Variants in CPSF7 observed in about 807,000 individuals in gnomAD.
CPSF7 encodes cleavage and polyadenylation specificity factor subunit 7.
Under a neutral mutation model 44.3 loss-of-function variants are expected in CPSF7, and 1 was observed. The ratio of observed to expected loss-of-function variants is 0.02; its 90% CI spans 0.01 to 0.11. The LOEUF (loss-of-function observed/expected upper bound fraction) is 0.11, where lower values mean the gene tolerates loss of function less well. Ranked by LOEUF, CPSF7 falls within the 10% of genes least tolerant of loss-of-function variation. The pLI is 1.00. For missense variants in CPSF7, 443 were observed against 607.2 expected (o/e 0.73, Z 2.84); for synonymous variants, 202 against 222.0 (o/e 0.91, Z 0.80).
In CPSF7 at chr11:61,429,909, G is replaced by A; in HGVS notation, c.-56+5C>T. On this transcript the variant is annotated splice_donor_5th_base_variant and intron_variant, in intron 1 of 9. Coordinates refer to ENST00000439958, the MANE Select transcript of CPSF7 (RefSeq NM_001142565.3). ...AACCTGCCCCCGACCGCGCGCCCCC[G>A]TTACCGGGAATATGGCGGCGGCGGC... 6.7e-7 allele frequency: 1 copy of A among 1,498,980 alleles called. No homozygotes were observed. The highest frequency in any genetic ancestry group is 1.2e-5 in the South Asian group (1 of 80,990). 92.9% of individuals were successfully genotyped at this position (1,498,980 alleles called of 1,614,324 possible). A position where few individuals can be genotyped will look rare whatever the true frequency, so the allele number is the denominator to read the frequency against.
rs1198994464 is a variant in CPSF7 at position 61,420,170 on chromosome 11, T to A, written c.378-76A>T. 4 of 1,244,930 alleles carry A rather than the reference T, an allele frequency of 3.2e-6. No homozygotes were observed. The East Asian group carries it at 9.5e-5, about 29-fold the overall frequency. 77.1% of individuals were successfully genotyped at this position (1,244,930 alleles called of 1,614,324 possible). ...AGAAAAAAGAAATTCTCTTCCACTTTTAGTAAAAATTGATAAAGCAAAGGA... is the reference window on the plus strand; with the variant it reads ...AGAAAAAAGAAATTCTCTTCCACTTATAGTAAAAATTGATAAAGCAAAGGA... On this transcript the variant is annotated intron_variant, in intron 4 of 9. Transcript: ENST00000439958.
intron 9 of CPSF7, among the ~76,000 whole-genome samples, chr11:61,408,079 CAG>C (rs1386882061): frequency 1.2e-4 from 16 of 136,464 alleles, no homozygotes; most frequent in African/African-American, 2.4e-4. Context: ...TTTTTTGAGA[CAG>C]AGTCTCACTC....
rs1248710818 is a variant in CPSF7 at position 61,403,344 on chromosome 11, G to A, written c.*1366C>T. 6.6e-6 allele frequency: 1 copy of A among 152,286 alleles called. No homozygotes were observed. Among genetic ancestry groups the A allele is most frequent in the African/African-American group, 2.4e-5 (1 of 41,546 alleles). The allele number at this position is 152,286 out of a possible 1,614,324, so 9.4% of individuals were successfully genotyped here. A position where few individuals can be genotyped will look rare whatever the true frequency, so the allele number is the denominator to read the frequency against. On this transcript the variant is annotated 3_prime_UTR_variant, in exon 10 of 10. Coordinates refer to ENST00000439958, the MANE Select transcript of CPSF7 (RefSeq NM_001142565.3). ...TGCCCTGTAGATGCATGCAGAAGTAGCATCACCCCATGGGTACCGCAGGAC... is the reference window on the plus strand; with the variant it reads ...TGCCCTGTAGATGCATGCAGAAGTAACATCACCCCATGGGTACCGCAGGAC...
Position 61,419,954 on chromosome 11 carries a change from C to T in CPSF7, c.518G>A (p.Arg173Gln), listed in dbSNP as rs747798862. 5.0e-6 allele frequency: 8 copies of T among 1,613,912 alleles called. No homozygotes were observed. Among genetic ancestry groups the T allele is most frequent in the South Asian group, 2.2e-5 (2 of 91,076 alleles). The change falls in exon 5 of 10, where the codon CGG becomes CAG. Residue 173 changes from arginine to glutamine, a missense_variant. Transcript: ENST00000439958. Reference sequence around the variant, plus strand: ...TGGGACTCGGACACACTCACGTTTCCGAGCCTGTGCCTCAAACTGTGACAG... The same window carrying T: ...TGGGACTCGGACACACTCACGTTTCTGAGCCTGTGCCTCAAACTGTGACAG... ...QNLSQFEAQA[R>Q]KRIPPRAHSR...
intron 3 of CPSF7, 62 bp from the exon 4 acceptor site, chr11:61,420,635 C>T: frequency 1.5e-6 from 2 of 1,319,870 alleles, no homozygotes; most frequent in Non-Finnish European, 1.1e-6. Context: ...CCGCCAATGT[C>T]CCAAACCCAG....
At chr11:61,412,235 T>C (rs1337279331) in intron 7 of CPSF7, among the ~76,000 whole-genome samples, 3 of 152,176 alleles carry the variant, frequency 2.0e-5, no homozygotes, top group Non-Finnish European at 4.4e-5. Context: ...TATTAAAAAT[T>C]TTCTACTTCT....
chr11:61,411,119 C>T lies in CPSF7; in HGVS notation c.1227-14G>A. On this transcript the variant is annotated splice_polypyrimidine_tract_variant and intron_variant, in intron 8 of 9. Transcript: ENST00000439958. ...CGATGTCTTTTCCTATTAGAAAGAT[C>T]CTTCAGCCTCACTCAGAAGGCCTAC... 6.3e-7 allele frequency: 1 copy of T among 1,596,660 alleles called. No individual in the cohort carries two copies. Among genetic ancestry groups the T allele is most frequent in the Non-Finnish European group, 8.5e-7 (1 of 1,173,804 alleles).
At chr11:61,416,637 A>C in intron 5 of CPSF7, 118 bp from the exon 6 acceptor site, 1 of 1,081,082 alleles carries the variant, frequency 9.2e-7, no homozygotes, top group Non-Finnish European at 1.4e-6. Flanking sequence ...AGAGGCTGAG[A>C]AGGTAAAATC....
At chr11:61,429,576 G>A (rs1038462860) in intron 1 of CPSF7, 3 of 674,024 alleles carry the variant, frequency 4.5e-6, no homozygotes, top group African/African-American at 3.8e-5. Flanking sequence ...AGTGGCCCTA[G>A]GACGGCGTTG....
Position 61,423,639 on chromosome 11 carries a change from G to A in CPSF7, c.55-2031C>T, listed in dbSNP as rs1861100767. Among the ~76,000 whole-genome samples the A allele has an allele frequency of 2.0e-5, 3 of 152,122 alleles. No homozygotes were observed. In the South Asian group the frequency reaches 6.2e-4, roughly 32 times the overall value. On this transcript the variant is annotated intron_variant, in intron 2 of 9. Transcript: ENST00000439958. ...TTCATATTGCTATTCTTTTAAAAAGGGAATAAAGGAGGCACCTAAGTTGGG... is the reference window on the plus strand; with the variant it reads ...TTCATATTGCTATTCTTTTAAAAAGAGAATAAAGGAGGCACCTAAGTTGGG...
chr11:61,425,625 T>C (rs1297332118), intron 2 of CPSF7, among the ~76,000 whole-genome samples: 6 of 152,204 alleles, frequency 3.9e-5, no homozygotes, highest in South Asian at 2.1e-4. Flanking sequence ...CATATCCCAC[T>C]GAGGGAAGTA....
chr11:61,427,691 A>C (rs1211830264), intron 2 of CPSF7, among the ~76,000 whole-genome samples: 1 of 151,930 alleles, frequency 6.6e-6, no homozygotes, highest in African/African-American at 2.4e-5. Context: ...TCATCTATTT[A>C]AGATAATCAG....
chr11:61,429,414 C>CCCGCT, intron 1 of CPSF7, 124 bp from the exon 2 acceptor site: 1 of 587,872 alleles, frequency 1.7e-6, no homozygotes, highest in Non-Finnish European at 3.0e-6. Flanking sequence ...CTCGGCCCCA[C>CCCGCT]CCGCTCCGCC....
chr11:61,421,067 C>T (rs760574710), intron 3 of CPSF7: 2 of 1,347,822 alleles, frequency 1.5e-6, no homozygotes, highest in Non-Finnish European at 1.9e-6. Context: ...TATCACAGGA[C>T]CATCTAATGA....
chr11:61,426,782 C>G (rs892145117), intron 2 of CPSF7: 39 of 152,258 alleles, frequency 2.6e-4, no homozygotes, highest in African/African-American at 9.2e-4. Flanking sequence ...AATCCCAGCA[C>G]TTTGGGAGGC....
Position 61,411,074 on chromosome 11 carries a change from T to C in CPSF7, c.1258A>G (p.Ser420Gly). ...CTCCTGCTGCTCTCCCGGGACCGGCTAGGTGACCTTTCCCGGGAGCGATGT... is the reference window on the plus strand; with the variant it reads ...CTCCTGCTGCTCTCCCGGGACCGGCCAGGTGACCTTTCCCGGGAGCGATGT... ...KRHRSRERSP[S>G]RSRESSRRHR... Residue 420 changes from serine to glycine, a missense_variant, in exon 9 of 10, where the codon AGC becomes GGC. Coordinates refer to ENST00000439958, the MANE Select transcript of CPSF7 (RefSeq NM_001142565.3). 1 of 1,612,734 alleles carries C rather than the reference T, an allele frequency of 6.2e-7. No homozygotes were observed. Among genetic ancestry groups the C allele is most frequent in the Non-Finnish European group, 8.5e-7 (1 of 1,179,696 alleles).
chr11:61,417,293 C>G (rs1216594403), intron 5 of CPSF7, among the ~76,000 whole-genome samples: 1 of 152,226 alleles, frequency 6.6e-6, no homozygotes, highest in Non-Finnish European at 1.5e-5. Context: ...TCAGGGCAGC[C>G]TAACAGGAAC....
chr11:61,405,520 T>C (rs529317059), intron 9 of CPSF7, among the ~76,000 whole-genome samples: 201 of 152,312 alleles, frequency 1.3e-3, no homozygotes, highest in Middle Eastern at 3.4e-3. Flanking sequence ...TTAAGCCACC[T>C]GTCACATGGC....
intron 3 of CPSF7, 162 bp downstream of exon 3, chr11:61,421,228 G>T (rs1273615380): frequency 9.7e-7 from 1 of 1,033,200 alleles, no homozygotes; most frequent in East Asian, 2.6e-5. Context: ...TACGTCCTCA[G>T]GATAGTTCTC....
Sources: allele counts gnomAD v4.1 joint callset (sites outside exome capture counted in the v4.1 genomes callset), GRCh38; gene constraint gnomAD v4.1.1; transcripts MANE v1.5; gene names NCBI Gene and HGNC (gene_info 2026-07-23, HGNC 2026-07-21).